The following MTUS2 variants were observed in gnomAD, a reference collection of about 807,000 sequenced individuals.
The protein encoded by MTUS2 is microtubule-associated tumor suppressor candidate 2.
In MTUS2, 40 loss-of-function variants were observed where a neutral mutation model predicts 114.1. The ratio of observed to expected loss-of-function variants is 0.35; its 90% confidence interval spans 0.27 to 0.46. MTUS2 has a LOEUF of 0.46. Ranked by LOEUF, MTUS2 falls within the 20% of genes least tolerant of loss-of-function variation. The pLI is 1.00. For synonymous variants in MTUS2, 688 were observed against 672.0 expected (o/e 1.02, Z -0.37); for missense variants, 1,679 against 1,705.4 (o/e 0.98, Z 0.27).
chr13:29,267,347 C>T (rs201857684), intron 5 of MTUS2, among the ~76,000 whole-genome samples: 1 of 152,154 alleles, frequency 6.6e-6, no homozygotes, highest in Non-Finnish European at 1.5e-5. Context: ...GTGGGTTTCC[C>T]CTCGTCCACC....
rs528355986 is a variant in MTUS2, at chr13:29,263,840, A to G, written c.2645-17864A>G. Among the ~76,000 whole-genome samples the G allele has an allele frequency of 3.3e-5, 5 of 152,266 alleles. No homozygotes were observed. In the South Asian group the frequency reaches 8.3e-4, roughly 25 times the overall value. On this transcript the variant is annotated intron_variant, in intron 5 of 15. Transcript: ENST00000612955. The stretch of plus-strand genomic sequence containing the variant: ...CCTCCAACACTGGGGATTACATTTC[A>G]ACATGAGATTTGGTGGGGACACAGA...
chr13:28,968,050 T>C (rs1333780370), intron 2 of MTUS2, among the ~76,000 whole-genome samples: 1 of 152,226 alleles, frequency 6.6e-6, no homozygotes, highest in Non-Finnish European at 1.5e-5. Context: ...GAGATATACC[T>C]GCTAACATTA....
At chr13:29,180,972 G>C (rs1893978067) in intron 5 of MTUS2, among the ~76,000 whole-genome samples, 1 of 152,048 alleles carries the variant, frequency 6.6e-6, no homozygotes, top group African/African-American at 2.4e-5. Flanking sequence ...AGTTATTTCA[G>C]AATATCCTGA....
chr13:29,244,045 G>A (rs1464472585), intron 5 of MTUS2, among the ~76,000 whole-genome samples: 1 of 152,228 alleles, frequency 6.6e-6, no homozygotes, highest in Admixed American at 6.5e-5. Context: ...TGTAAAGGTA[G>A]GAAGTTGAAG....
At chr13:28,861,508 T>C (rs1457213121) in intron 2 of MTUS2, among the ~76,000 whole-genome samples, 2 of 151,432 alleles carry the variant, frequency 1.3e-5, no homozygotes, top group Non-Finnish European at 2.9e-5. Context: ...TTAAACGAGA[T>C]GATTTTGCAT....
chr13:29,433,503 G>A (rs1164619240), intron 8 of MTUS2, among the ~76,000 whole-genome samples: 3 of 152,170 alleles, frequency 2.0e-5, no homozygotes, highest in African/African-American at 7.2e-5. Context: ...CATGCTATCA[G>A]TGCTGCTTTA....
chr13:29,482,675 AG>A (rs772284176), intron 10 of MTUS2, among the ~76,000 whole-genome samples: 2 of 152,262 alleles, frequency 1.3e-5, no homozygotes, highest in Non-Finnish European at 1.5e-5. Context: ...TAAGTGCCCA[AG>A]GAACTGTCAC....
intron 7 of MTUS2, among the ~76,000 whole-genome samples, chr13:29,326,897 T>G (rs1396116209): frequency 6.6e-6 from 1 of 152,084 alleles, no homozygotes; most frequent in African/African-American, 2.4e-5. Context: ...GGAGTATCAT[T>G]TGAACCTGGG....
chr13:29,002,607 A>G (rs1885433296), intron 2 of MTUS2, among the ~76,000 whole-genome samples: 1 of 152,234 alleles, frequency 6.6e-6, no homozygotes, highest in African/African-American at 2.4e-5. Context: ...AAGGGCTTTC[A>G]TACAGTCATA....
chr13:29,017,628 T>C (rs1434327229), intron 2 of MTUS2, among the ~76,000 whole-genome samples: 1 of 152,146 alleles, frequency 6.6e-6, no homozygotes, highest in Non-Finnish European at 1.5e-5. Flanking sequence ...TATTCTGATA[T>C]GGCCCTCTTG....
chr13:29,472,162 TTA>T (rs1252438152), intron 9 of MTUS2, among the ~76,000 whole-genome samples: 4 of 152,142 alleles, frequency 2.6e-5, no homozygotes, highest in African/African-American at 9.7e-5. Flanking sequence ...GTATCTGGGA[TTA>T]CAGGCACGTG....
At chr13:29,196,540 A>G (rs1350034254) in intron 5 of MTUS2, among the ~76,000 whole-genome samples, 1 of 152,152 alleles carries the variant, frequency 6.6e-6, no homozygotes, top group Non-Finnish European at 1.5e-5. Context: ...AATGTTGTGC[A>G]GCCATCACCA....
At chr13:29,194,627 A>G (rs1212047003) in intron 5 of MTUS2, among the ~76,000 whole-genome samples, 1 of 149,222 alleles carries the variant, frequency 6.7e-6, no homozygotes, top group African/African-American at 2.4e-5. Context: ...AGAAATAGGA[A>G]CACTTTTACA....
At position 29,025,058 on chromosome 13, in the gene MTUS2, C is replaced by T. The variant is rs751219917; in HGVS notation, c.360C>T (p.Ser120=). ...EEHTVERGTD[S]LQTTRSIQGP... Reference sequence around the variant, plus strand: ...ACACAGTGGAGAGAGGCACAGATAGCCTGCAGACCACGCGGAGTATTCAGG... The same window carrying T: ...ACACAGTGGAGAGAGGCACAGATAGTCTGCAGACCACGCGGAGTATTCAGG... Residue 120 remains serine, a synonymous_variant, in exon 3 of 16, where the codon AGC becomes AGT. Transcript: ENST00000612955. 1 of 1,613,942 alleles carries T rather than the reference C, an allele frequency of 6.2e-7. No individual in the cohort carries two copies.
rs141262546 is a variant in MTUS2 at position 28,901,575 on chromosome 13, C to G, written c.-243+61725C>G. Among the ~76,000 whole-genome samples, 312 of 152,168 alleles carry G rather than the reference C, an allele frequency of 2.1e-3. 1 individual carries two copies. Among genetic ancestry groups the G allele is most frequent in the African/African-American group, 7.1e-3 (296 of 41,514 alleles). The stretch of plus-strand genomic sequence containing the variant: ...CTTAGGTTGAGGTTCTTTCTTATGC[C>G]TATTGATACACAACAGCTCCAGCAC... On this transcript the variant is annotated intron_variant, in intron 2 of 15. Transcript: ENST00000612955.
intron 9 of MTUS2, among the ~76,000 whole-genome samples, chr13:29,450,929 T>C (rs1878640705): frequency 6.6e-6 from 1 of 152,052 alleles, no homozygotes; most frequent in Admixed American, 6.6e-5. Flanking sequence ...ACAATAGAGC[T>C]TCAAAACACA....
At chr13:28,954,820 C>T (rs566681992) in intron 2 of MTUS2, among the ~76,000 whole-genome samples, 5 of 152,190 alleles carry the variant, frequency 3.3e-5, no homozygotes, top group Admixed American at 2.6e-4. Context: ...GGGAGACTTA[C>T]GTATAGGGCT....
intron 2 of MTUS2, among the ~76,000 whole-genome samples, chr13:28,914,299 T>C (rs1207243608): frequency 2.6e-5 from 4 of 152,186 alleles, no homozygotes; most frequent in Non-Finnish European, 5.9e-5. Flanking sequence ...GTTGTCTGTT[T>C]GTTCTCATTA....
At chr13:29,027,529 TTTTG>T (rs1178316351) in intron 3 of MTUS2, among the ~76,000 whole-genome samples, 1 of 152,130 alleles carries the variant, frequency 6.6e-6, no homozygotes, top group Non-Finnish European at 1.5e-5. Flanking sequence ...TATTGCAGTT[TTTTG>T]TTTGTTTATG....
Sources: gnomAD v4.1 joint callset for allele counts (sites outside exome capture counted in the v4.1 genomes callset) on GRCh38, gnomAD v4.1.1 for gene constraint, MANE v1.5 for transcripts, NCBI Gene and HGNC (gene_info 2026-07-23, HGNC 2026-07-21) for gene names.